Variants in RNF122 observed in about 807,000 individuals in gnomAD.
RNF122 encodes the protein ring finger protein 122.
Under a neutral mutation model 24.2 loss-of-function variants are expected in RNF122, and 17 were observed. The observed-to-expected ratio is 0.70, with a 90% CI of 0.48 to 1.06. The LOEUF is 1.06. Among genes scored for constraint, RNF122 ranks in the 50% least tolerant of loss-of-function variants. The pLI is 0.00. For missense variants in RNF122, 168 were observed against 198.1 expected (o/e 0.85, Z 0.91); for synonymous variants, 65 against 71.8 (o/e 0.91, Z 0.48).
intron 1 of RNF122, among the ~76,000 whole-genome samples, chr8:33,565,081 A>G (rs1422126116): frequency 4.6e-5 from 7 of 152,008 alleles, no homozygotes; most frequent in Admixed American, 4.6e-4. Context: ...GACGTCAGAC[A>G]AGGGCTGGCC....
intron 1 of RNF122, among the ~76,000 whole-genome samples, chr8:33,562,808 A>G (rs1267511603): frequency 6.6e-6 from 1 of 152,158 alleles, no homozygotes; most frequent in Non-Finnish European, 1.5e-5. Flanking sequence ...CCGTAATCCC[A>G]GCTACTCGGG....
intron 1 of RNF122, among the ~76,000 whole-genome samples, chr8:33,565,600 C>A (rs1810610400): frequency 6.6e-6 from 1 of 152,210 alleles, no homozygotes; most frequent in Non-Finnish European, 1.5e-5. Flanking sequence ...GCTGAGGAAT[C>A]AGACTCCAGC....
At chr8:33,559,448 T>C (rs1232207248) in intron 1 of RNF122, among the ~76,000 whole-genome samples, 1 of 152,136 alleles carries the variant, frequency 6.6e-6, no homozygotes, top group African/African-American at 2.4e-5. Flanking sequence ...GCTAGCCATA[T>C]GACCGTTAAG....
chr8:33,558,229 C>T (rs367826357), intron 2 of RNF122, among the ~76,000 whole-genome samples: 24 of 152,268 alleles, frequency 1.6e-4, no homozygotes, highest in Admixed American at 5.9e-4. Context: ...AGGAACATGA[C>T]GCTGGCATAA....
At position 33,566,987 on chromosome 8, in the gene RNF122, C is replaced by G. The variant is rs1585364744; in HGVS notation, c.-264G>C. On this transcript the variant is annotated 5_prime_UTR_variant, in exon 1 of 6. Coordinates refer to ENST00000256257, the MANE Select transcript of RNF122 (RefSeq NM_024787.3). ...GAGCGCACGCGCCAAGGGCCCCGGGCTGGGGGAATGTGGGGCGCCGCGGGG... is the reference window on the plus strand; with the variant it reads ...GAGCGCACGCGCCAAGGGCCCCGGGGTGGGGGAATGTGGGGCGCCGCGGGG... 2 of 496,674 alleles carry G rather than the reference C, an allele frequency of 4.0e-6. No homozygotes were observed. The highest frequency in any genetic ancestry group is 7.7e-5 in the East Asian group (2 of 26,052). The allele number at this position is 496,674 out of a possible 1,614,324, so 30.8% of individuals were successfully genotyped here. A position where few individuals can be genotyped will look rare whatever the true frequency, so the allele number is the denominator to read the frequency against.
At chr8:33,549,253 C>T (rs1285230134) in intron 5 of RNF122, among the ~76,000 whole-genome samples, 157 bp downstream of exon 5, 1 of 151,918 alleles carries the variant, frequency 6.6e-6, no homozygotes, top group African/African-American at 2.4e-5. Context: ...CTACCCCTGT[C>T]CCAACCTAAT....
chr8:33,562,275 C>G (rs1167536929), intron 1 of RNF122, among the ~76,000 whole-genome samples: 2 of 152,120 alleles, frequency 1.3e-5, no homozygotes, highest in African/African-American at 4.8e-5. Flanking sequence ...GTGGCTCACA[C>G]CTGTAACTCC....
Position 33,566,768 on chromosome 8 carries a change from G to T in RNF122, c.-45C>A. ...TTCCTCGGGCGAACGGACGCAGGCG[G>T]GGTGCCAGGAGGGCGGGGTGGGAGC... On this transcript the variant is annotated 5_prime_UTR_variant, in exon 1 of 6. Coordinates refer to ENST00000256257, the MANE Select transcript of RNF122 (RefSeq NM_024787.3). 6.3e-7 allele frequency: 1 copy of T among 1,590,178 alleles called. No homozygotes were observed. The highest frequency in any genetic ancestry group is 2.3e-5 in the East Asian group (1 of 43,908).
rs139180041 is a variant in RNF122, at chr8:33,555,404, T to C, written c.182+3211A>G. Among the ~76,000 whole-genome samples, 590 of 152,220 alleles carry C rather than the reference T, an allele frequency of 3.9e-3. 6 individuals carry two copies. The highest frequency in any genetic ancestry group is 0.014 in the African/African-American group (576 of 41,528). On this transcript the variant is annotated intron_variant, in intron 2 of 5. Transcript: ENST00000256257. ...TTTTAGTAGAGACAGGGTTTCACCA[T>C]ATTGGTCAGGCCAGTCTCGAACTCC...
intron 2 of RNF122, among the ~76,000 whole-genome samples, chr8:33,557,099 T>C (rs1310201704): frequency 6.6e-6 from 1 of 152,242 alleles, no homozygotes; most frequent in Non-Finnish European, 1.5e-5. Flanking sequence ...AGACCACAGC[T>C]GATGTCTACC....
intron 1 of RNF122, among the ~76,000 whole-genome samples, chr8:33,563,768 C>A (rs1810577953): frequency 6.6e-6 from 1 of 152,128 alleles, no homozygotes. Context: ...AGGGTCTAAC[C>A]CCCCGTTTCC....
At chr8:33,557,944 A>T (rs1483481641) in intron 2 of RNF122, among the ~76,000 whole-genome samples, 1 of 152,102 alleles carries the variant, frequency 6.6e-6, no homozygotes, top group East Asian at 1.9e-4. Context: ...GGAGTTCGAG[A>T]CCATCCTGGT....
chr8:33,555,620 C>A (rs1231470099), intron 2 of RNF122, among the ~76,000 whole-genome samples: 2 of 152,200 alleles, frequency 1.3e-5, no homozygotes, highest in Non-Finnish European at 2.9e-5. Flanking sequence ...GAGCCTATAG[C>A]GGCTCCTCTA....
chr8:33,552,409 A>AAAAAAG (rs148735595), intron 2 of RNF122, among the ~76,000 whole-genome samples: 3 of 152,120 alleles, frequency 2.0e-5, no homozygotes, highest in African/African-American at 4.8e-5. Context: ...CATAAAAATA[A>AAAAAAG]AAAAAGAAAA....
At chr8:33,555,982 A>T (rs1433049331) in intron 2 of RNF122, among the ~76,000 whole-genome samples, 3 of 152,086 alleles carry the variant, frequency 2.0e-5, no homozygotes, top group Non-Finnish European at 4.4e-5. Flanking sequence ...ACCTTGGGTG[A>T]CATGGTGAAA....
intron 1 of RNF122, among the ~76,000 whole-genome samples, chr8:33,559,406 A>G (rs560886699): frequency 6.6e-6 from 1 of 152,112 alleles, no homozygotes; most frequent in South Asian, 2.1e-4. Flanking sequence ...AGCTGAGAAA[A>G]TATTATTTGG....
rs1417533890 is a variant in RNF122, at chr8:33,566,816, G to A, written c.-93C>T. 4 of 1,428,624 alleles carry A rather than the reference G, an allele frequency of 2.8e-6. No homozygotes were observed. Among genetic ancestry groups the A allele is most frequent in the East Asian group, 2.4e-5 (1 of 40,870 alleles). The allele number at this position is 1,428,624 out of a possible 1,614,324, so 88.5% of individuals were successfully genotyped here. A position where few individuals can be genotyped will look rare whatever the true frequency, so the allele number is the denominator to read the frequency against. On this transcript the variant is annotated 5_prime_UTR_variant, in exon 1 of 6. Coordinates refer to ENST00000256257, the MANE Select transcript of RNF122 (RefSeq NM_024787.3). ...AGCACTAGCGGCGTGAGGGGCCGCA[G>A]GCGGGGTCGGGGCAGCGCGCTGCAG...
rs369104554 is a variant in RNF122, at chr8:33,561,288, CAG to C, written c.26-2519_26-2518del. 2.8e-4 allele frequency among the ~76,000 whole-genome samples: 43 copies of C among 152,220 alleles called. 1 individual carries two copies. In the East Asian group the frequency reaches 6.4e-3, roughly 23 times the overall value. On this transcript the variant is annotated intron_variant, in intron 1 of 5. Coordinates refer to ENST00000256257, the MANE Select transcript of RNF122 (RefSeq NM_024787.3). ...CCACAGAATTCTATACGCTAATAAC[CAG>C]TGCTACTACAACTCAGCAGAAGGTG... is the stretch of plus-strand genomic sequence containing the variant.
At chr8:33,565,987 G>C (rs1405858346) in intron 1 of RNF122, among the ~76,000 whole-genome samples, 1 of 152,124 alleles carries the variant, frequency 6.6e-6, no homozygotes. Flanking sequence ...CCAAGTAGCT[G>C]GGCTTACAGG....
Sources: gnomAD v4.1 joint callset for allele counts (sites outside exome capture counted in the v4.1 genomes callset) on GRCh38, gnomAD v4.1.1 for gene constraint, MANE v1.5 for transcripts, NCBI Gene and HGNC (gene_info 2026-07-23, HGNC 2026-07-21) for gene names.